RBFOX1: variants seen among roughly 807,000 people sequenced by gnomAD.
RBFOX1 encodes the protein RNA binding protein fox-1 homolog 1.
In RBFOX1, 8 loss-of-function variants were observed where a neutral mutation model predicts 57.7. That is an observed-to-expected ratio of 0.14 (90% CI 0.08 to 0.25). The LOEUF is 0.25. Ranked by LOEUF, RBFOX1 falls within the 10% of genes least tolerant of loss-of-function variation. RBFOX1 has a pLI of 1.00. For missense variants in RBFOX1, 611 were observed against 548.5 expected (o/e 1.11, Z -1.14); for synonymous variants, 326 against 222.4 (o/e 1.47, Z -4.15).
intron 3 of RBFOX1, among the ~76,000 whole-genome samples, chr16:6,706,064 G>T (rs2062687217): frequency 6.6e-6 from 1 of 152,178 alleles, no homozygotes; most frequent in Admixed American, 6.5e-5. Context: ...GGACAGAATT[G>T]TGGACCACCT....
rs888420336 is a variant in RBFOX1 at position 6,531,489 on chromosome 16, C to T, written c.-63-123114C>T. On this transcript the variant is annotated intron_variant, in intron 2 of 15. Transcript: ENST00000550418. The stretch of plus-strand genomic sequence containing the variant: ...TACATTTAGGACAGGTTCTCATGAA[C>T]GTGGGAAAATGGTGAAATATTTTTA... Among the ~76,000 whole-genome samples, 6 of 152,076 alleles carry T rather than the reference C, an allele frequency of 3.9e-5. No individual in the cohort carries two copies. In the South Asian group the frequency reaches 1.0e-3, roughly 26 times the overall value.
At chr16:6,974,606 A>G (rs1255192142) in intron 3 of RBFOX1, among the ~76,000 whole-genome samples, 3 of 151,866 alleles carry the variant, frequency 2.0e-5, no homozygotes, top group Non-Finnish European at 2.9e-5. Context: ...CGGCCTCCCA[A>G]AGTGCTGGGA....
chr16:6,073,992 A>C (rs542821144), intron 1 of RBFOX1, among the ~76,000 whole-genome samples: 1 of 152,118 alleles, frequency 6.6e-6, no homozygotes, highest in African/African-American at 2.4e-5. Flanking sequence ...TCTGTCGCCC[A>C]GAGTGGAGTG....
At chr16:6,226,381 A>AAC (rs2097418271) in intron 1 of RBFOX1, among the ~76,000 whole-genome samples, 1 of 147,976 alleles carries the variant, frequency 6.8e-6, no homozygotes, top group South Asian at 2.1e-4. Flanking sequence ...CTCCAAAAAA[A>AAC]AAAAAAAAAA....
intron 3 of RBFOX1, among the ~76,000 whole-genome samples, chr16:6,929,769 G>T (rs978233215): frequency 2.6e-5 from 4 of 152,056 alleles, no homozygotes; most frequent in Non-Finnish European, 5.9e-5. Flanking sequence ...TCGTTTCAGG[G>T]AATATCCTGT....
At chr16:6,031,402 C>G (rs1001811144) in intron 1 of RBFOX1, among the ~76,000 whole-genome samples, 4 of 152,164 alleles carry the variant, frequency 2.6e-5, no homozygotes, top group Admixed American at 6.5e-5. Context: ...AGCCTGTGCC[C>G]TGTGTTATTT....
chr16:7,154,857 A>T, intron 4 of RBFOX1, among the ~76,000 whole-genome samples: 1 of 152,158 alleles, frequency 6.6e-6, no homozygotes, highest in Non-Finnish European at 1.5e-5. Flanking sequence ...TGAAGTTTGT[A>T]TTGTTATGAA....
intron 2 of RBFOX1, among the ~76,000 whole-genome samples, chr16:5,560,452 A>T (rs1313463715): frequency 6.6e-6 from 1 of 152,106 alleles, no homozygotes; most frequent in African/African-American, 2.4e-5. Context: ...GTGTTATTAC[A>T]CTGCACTGCA....
chr16:6,122,093 A>T (rs1406785286), intron 1 of RBFOX1, among the ~76,000 whole-genome samples: 1 of 152,040 alleles, frequency 6.6e-6, no homozygotes, highest in Admixed American at 6.5e-5. Flanking sequence ...TTTAGTAGAG[A>T]TGGGGTTTCA....
At chr16:5,438,876 G>C (rs1406943139) in intron 1 of RBFOX1, among the ~76,000 whole-genome samples, 2 of 152,122 alleles carry the variant, frequency 1.3e-5, no homozygotes, top group Non-Finnish European at 2.9e-5. Context: ...AGGTGATCAG[G>C]ATAATAAGGG....
chr16:7,023,501 T>A (rs1324124284), intron 3 of RBFOX1, among the ~76,000 whole-genome samples: 2 of 129,042 alleles, frequency 1.5e-5, no homozygotes, highest in African/African-American at 6.1e-5. Flanking sequence ...TTGAGTTGGG[T>A]GGAGCACTTG....
intron 4 of RBFOX1, among the ~76,000 whole-genome samples, chr16:7,133,176 C>G (rs751414352): frequency 6.6e-6 from 1 of 152,030 alleles, no homozygotes; most frequent in African/African-American, 2.4e-5. Context: ...GTATCAGATT[C>G]TCAATGTTTT....
chr16:6,016,746 G>A (rs980416834), upstream of RBFOX1, among the ~76,000 whole-genome samples: 8 of 152,328 alleles, frequency 5.3e-5, 2 homozygotes. Flanking sequence ...GCCCTAGGTT[G>A]TCCTGGGAGC....
chr16:5,912,495 C>T (rs1056947238), intron 4 of RBFOX1, among the ~76,000 whole-genome samples: 1 of 152,134 alleles, frequency 6.6e-6, no homozygotes, highest in African/African-American at 2.4e-5. Context: ...ACTCCAGTCC[C>T]ACTACATCAC....
chr16:6,137,315 T>A (rs938527290), intron 1 of RBFOX1, among the ~76,000 whole-genome samples: 2 of 152,186 alleles, frequency 1.3e-5, no homozygotes, highest in African/African-American at 4.8e-5. Context: ...TTTGTTTGTT[T>A]TGTTTTGAGA....
chr16:6,955,155 C>A (rs1356517611), intron 3 of RBFOX1, among the ~76,000 whole-genome samples: 1 of 151,816 alleles, frequency 6.6e-6, no homozygotes, highest in Non-Finnish European at 1.5e-5. Context: ...GCAGGAGGAT[C>A]AGTTGAGCCT....
At chr16:6,810,534 C>G in intron 3 of RBFOX1, among the ~76,000 whole-genome samples, 1 of 151,460 alleles carries the variant, frequency 6.6e-6, no homozygotes, top group Admixed American at 6.6e-5. Context: ...CCAAAAACCT[C>G]TTTTTTTTTC....
At chr16:6,092,154 G>T (rs376500871) in intron 1 of RBFOX1, among the ~76,000 whole-genome samples, 1 of 152,188 alleles carries the variant, frequency 6.6e-6, no homozygotes, top group Non-Finnish European at 1.5e-5. Context: ...TGGTGTGAGG[G>T]AACTAATAAA....
chr16:6,424,605 C>CTGTGTGTGTGTGCG lies in RBFOX1; in HGVS notation c.-64+107560_-64+107561insCGTGTGTGTGTGTG, dbSNP rs1555466630. On this transcript the variant is annotated intron_variant, in intron 2 of 15. Coordinates refer to ENST00000550418, the MANE Select transcript of RBFOX1 (RefSeq NM_018723.4). The stretch of plus-strand genomic sequence containing the variant: ...GAAACCCTAGTACATCTTAAGAGCA[C>CTGTGTGTGTGTGCG]TGTGTGTGTGTGTGCGTGTGTGTGA... Among the ~76,000 whole-genome samples, 9 of 14,260 alleles carry CTGTGTGTGTGTGCG rather than the reference C, an allele frequency of 6.3e-4. No homozygotes were observed. The South Asian group carries it at 8.8e-3, about 14-fold the overall frequency. The allele number at this position is 14,260 out of a possible 152,430, so 9.4% of individuals were successfully genotyped here.
Sources: gnomAD v4.1 joint callset for allele counts (sites outside exome capture counted in the v4.1 genomes callset) on GRCh38, gnomAD v4.1.1 for gene constraint, MANE v1.5 for transcripts, NCBI Gene and HGNC (gene_info 2026-07-23, HGNC 2026-07-21) for gene names.